Variants in FBXL2 observed in about 807,000 individuals in gnomAD.
The protein encoded by FBXL2 is F-box/LRR-repeat protein 2.
In FBXL2, 38 loss-of-function variants were observed where a neutral mutation model predicts 69.2. The observed-to-expected ratio is 0.55, with a 90% CI of 0.42 to 0.72. The LOEUF (loss-of-function observed/expected upper bound fraction) is 0.72, where lower values mean the gene tolerates loss of function less well. Ranked by LOEUF, FBXL2 falls within the 30% of genes least tolerant of loss-of-function variation. The probability of loss-of-function intolerance (pLI) is 0.00; values close to 1 mark genes in which losing one functional copy is unlikely to be tolerated. For synonymous variants in FBXL2, 192 were observed against 201.3 expected (o/e 0.95, Z 0.39); for missense variants, 354 against 520.3 (o/e 0.68, Z 3.11).
chr3:33,317,675 C>T (rs770871942), intron 2 of FBXL2: 1 of 348,868 alleles, frequency 2.9e-6, no homozygotes, highest in Non-Finnish European at 5.7e-6. Context: ...GCTCCCTTAC[C>T]ATTGGTCTTG....
chr3:33,296,542 A>T (rs1231006751), intron 1 of FBXL2, among the ~76,000 whole-genome samples: 1 of 151,362 alleles, frequency 6.6e-6, no homozygotes, highest in Non-Finnish European at 1.5e-5. Context: ...GCCATTTTGA[A>T]TTTTTTTTTA....
intron 1 of FBXL2, among the ~76,000 whole-genome samples, chr3:33,293,730 TTGAGA>T (rs773235962): frequency 6.6e-6 from 1 of 152,196 alleles, no homozygotes; most frequent in Non-Finnish European, 1.5e-5. Flanking sequence ...GTTCTGACTG[TTGAGA>T]TATGTGAAGG....
At chr3:33,381,304 CTG>C (rs1266559918) in intron 13 of FBXL2, among the ~76,000 whole-genome samples, 2 of 152,210 alleles carry the variant, frequency 1.3e-5, no homozygotes, top group East Asian at 1.9e-4. Flanking sequence ...TTTCTCCAAT[CTG>C]TGTTTGTAAA....
intron 2 of FBXL2, among the ~76,000 whole-genome samples, chr3:33,336,765 T>G (rs2039611635): frequency 6.6e-6 from 1 of 151,478 alleles, no homozygotes; most frequent in Non-Finnish European, 1.5e-5. Flanking sequence ...ATTAGCTGGG[T>G]GTGGTGGCGT....
intron 1 of FBXL2, among the ~76,000 whole-genome samples, chr3:33,280,856 T>C (rs1373216375): frequency 6.6e-6 from 1 of 152,018 alleles, no homozygotes; most frequent in Non-Finnish European, 1.5e-5. Flanking sequence ...GTAAAGCAGA[T>C]TTAGTTTTTG....
downstream of FBXL2, chr3:33,390,038 G>A (rs1333564380): frequency 2.7e-6 from 1 of 375,292 alleles, no homozygotes; most frequent in African/African-American, 2.0e-5. Flanking sequence ...GCTGCTTCTA[G>A]GAACTGTATT....
intron 1 of FBXL2, among the ~76,000 whole-genome samples, chr3:33,283,321 T>G (rs1010569166): frequency 9.2e-5 from 14 of 152,188 alleles, no homozygotes; most frequent in African/African-American, 3.4e-4. Context: ...GGTTTTTGTC[T>G]TTGGTTCTGT....
intron 12 of FBXL2, among the ~76,000 whole-genome samples, chr3:33,395,012 A>G (rs899192978): frequency 2.0e-5 from 3 of 152,140 alleles, no homozygotes; most frequent in Non-Finnish European, 4.4e-5. Context: ...AAAATATCCA[A>G]TATTTCCCCA....
chr3:33,304,768 G>A (rs894874739), intron 2 of FBXL2, among the ~76,000 whole-genome samples: 1 of 152,034 alleles, frequency 6.6e-6, no homozygotes, highest in South Asian at 2.1e-4. Context: ...ACAAAGAGTG[G>A]ATAAGAGATT....
chr3:33,411,598 T>C, the FBXL2 span: 1 of 1,614,064 alleles, frequency 6.2e-7, no homozygotes, highest in Non-Finnish European at 8.5e-7. Flanking sequence ...AAAGCAGAGG[T>C]GCGTTTTGCT....
chr3:33,407,356 C>G (rs1488478810), downstream of FBXL2, among the ~76,000 whole-genome samples: 1 of 152,106 alleles, frequency 6.6e-6, no homozygotes, highest in Non-Finnish European at 1.5e-5. Context: ...GAACCTACTT[C>G]TTTATTAGTT....
intron 2 of FBXL2, among the ~76,000 whole-genome samples, chr3:33,328,429 A>C (rs765834719): frequency 5.3e-5 from 8 of 152,226 alleles, no homozygotes; most frequent in Non-Finnish European, 1.2e-4. Context: ...GAGGCATTAC[A>C]CTACCTGACT....
At chr3:33,290,186 C>T (rs2035079928) in intron 1 of FBXL2, among the ~76,000 whole-genome samples, 1 of 152,170 alleles carries the variant, frequency 6.6e-6, no homozygotes, top group Non-Finnish European at 1.5e-5. Context: ...CAGATTTTAG[C>T]TTCTCCTGAA....
chr3:33,346,080 A>T (rs2040410257), intron 2 of FBXL2, among the ~76,000 whole-genome samples: 1 of 151,932 alleles, frequency 6.6e-6, no homozygotes. Context: ...ATACAAAATT[A>T]GCCAGGTGTG....
intron 4 of FBXL2, among the ~76,000 whole-genome samples, chr3:33,363,372 T>C (rs2041759783): frequency 6.6e-6 from 1 of 152,258 alleles, no homozygotes; most frequent in Non-Finnish European, 1.5e-5. Flanking sequence ...GGTGAATTCA[T>C]CATGCTTACA....
the FBXL2 span, chr3:33,412,843 G>A: frequency 2.6e-5 from 41 of 1,555,494 alleles, no homozygotes; most frequent in African/African-American, 1.4e-4. Context: ...GAATAAGTGC[G>A]GAAAATGAGT....
chr3:33,377,545 C>T (rs1009963791), intron 11 of FBXL2, among the ~76,000 whole-genome samples: 1 of 152,184 alleles, frequency 6.6e-6, no homozygotes, highest in Admixed American at 6.5e-5. Flanking sequence ...CTGAGCCTCA[C>T]GCGTGGTCAA....
chr3:33,277,636 G>C, intron 1 of FBXL2, 121 bp downstream of exon 1: 1 of 1,040,734 alleles, frequency 9.6e-7, no homozygotes. Context: ...GCCGGGCCGC[G>C]GCCTGCGAGG....
chr3:33,301,184 C>T (rs1474514185), intron 2 of FBXL2, among the ~76,000 whole-genome samples: 1 of 152,106 alleles, frequency 6.6e-6, no homozygotes, highest in Non-Finnish European at 1.5e-5. Flanking sequence ...CTACCCTTGG[C>T]TTATATTTTT....
Sources: allele counts gnomAD v4.1 joint callset (sites outside exome capture counted in the v4.1 genomes callset), GRCh38; gene constraint gnomAD v4.1.1; transcripts MANE v1.5; gene names NCBI Gene and HGNC (gene_info 2026-07-23, HGNC 2026-07-21).